The following ZNF575 variants were observed in gnomAD, a reference collection of about 807,000 sequenced individuals.
ZNF575 encodes the protein zinc finger protein 575.
A neutral mutation model predicts 17.5 loss-of-function variants in ZNF575; 17 were observed. The ratio of observed to expected loss-of-function variants is 0.97; its 90% CI spans 0.66 to 1.45. The LOEUF (loss-of-function observed/expected upper bound fraction) is 1.45, where lower values mean the gene tolerates loss of function less well. Among genes scored for constraint, ZNF575 ranks in the 40% most tolerant of loss-of-function variants. The pLI is 0.00. For missense variants in ZNF575, 352 were observed against 359.2 expected, an observed-to-expected ratio of 0.98 and a Z score of 0.16; for synonymous variants, 146 against 158.3, an observed-to-expected ratio of 0.92 and a Z score of 0.58.
upstream of ZNF575, chr19:43,531,942 CTTTTTT>C (rs869122064): frequency 0.016 from 1,710 of 107,142 alleles, 13 homozygotes; most frequent in South Asian, 0.019. Flanking sequence ...TTAAGCCAGA[CTTTTTT>C]TTTTTTTTTT....
Position 43,535,966 on chromosome 19 carries a change from T to G in ZNF575, c.*279T>G. On this transcript the variant is annotated 3_prime_UTR_variant, in exon 4 of 4. Transcript: ENST00000314228. ...ATGGCAAAGGTAAAAAGTCTGCTAC[T>G]ATCGTGGGTTGATGAGGATTGTGGG... The G allele has an allele frequency of 2.2e-6, 1 of 448,758 alleles. No individual in the cohort carries two copies. The highest frequency in any genetic ancestry group is 4.0e-6 in the Non-Finnish European group (1 of 249,190). 27.8% of individuals were successfully genotyped at this position (448,758 alleles called of 1,614,324 possible).
rs763397896 is a variant in ZNF575, at chr19:43,534,455, G to A, written c.33G>A (p.Gly11=). Residue 11 remains glycine, a synonymous_variant, in exon 3 of 4, where the codon GGG becomes GGA. Transcript: ENST00000314228. MLERGAESAA[G]ATDPSPTGKE... is the part of the protein sequence containing the mutation. ...AGCGAGGCGCGGAGTCCGCGGCCGG[G>A]GCTACCGATCCTAGTCCCACTGGCA... is the stretch of plus-strand genomic sequence containing the variant. 3.6e-5 allele frequency: 55 copies of A among 1,542,994 alleles called. No individual in the cohort carries two copies. Among genetic ancestry groups the A allele is most frequent in the Non-Finnish European group, 4.1e-5 (47 of 1,144,672 alleles).
Position 43,535,622 on chromosome 19 carries a change from A to G in ZNF575, c.673A>G (p.Arg225Gly), listed in dbSNP as rs1600032611. The G allele has an allele frequency of 6.2e-7, 1 of 1,613,662 alleles. No homozygotes were observed. ...CSSCGQAFGQ[R>G]RLLLLHQRSH... ...CAGCTGCGGCCAGGCCTTTGGCCAG[A>G]GACGCTTACTGCTCCTTCATCAACG... is the stretch of plus-strand genomic sequence containing the variant. The change falls in exon 4 of 4, where the codon AGA (arginine) becomes GGA (glycine). Residue 225 changes from arginine (R) to glycine (G), a missense_variant. Arg to Gly is a moderately radical substitution (Grantham distance 125, BLOSUM62 -2). Coordinates refer to ENST00000314228, the MANE Select transcript of ZNF575 (RefSeq NM_174945.3).
At chr19:43,532,532 A>C (rs534711699), upstream of ZNF575, among the ~76,000 whole-genome samples, 62 of 152,338 alleles carry the variant, frequency 4.1e-4, no homozygotes, top group Non-Finnish European at 7.2e-4. Flanking sequence ...AAAGGGTCAC[A>C]CGGCTAGAAA....
At chr19:43,531,366 G>T (rs902431509), upstream of ZNF575, among the ~76,000 whole-genome samples, 1 of 151,964 alleles carries the variant, frequency 6.6e-6, no homozygotes, top group Non-Finnish European at 1.5e-5. Context: ...GGTGGATCAC[G>T]AGGTCAGGAG....
At chr19:43,534,108 C>T in intron 2 of ZNF575, 1 of 441,520 alleles carries the variant, frequency 2.3e-6, no homozygotes, top group Non-Finnish European at 4.0e-6. Context: ...CGCATAGGCC[C>T]CGCCGGCTCC....
chr19:43,534,630 C>CT, intron 3 of ZNF575, 129 bp downstream of exon 3: 2 of 891,778 alleles, frequency 2.2e-6, no homozygotes. Flanking sequence ...ATCCCCAAAA[C>CT]TGCCACATTC....
At position 43,533,285 on chromosome 19, in the gene ZNF575, A is replaced by C. The variant is rs1309982070; in HGVS notation, c.-431A>C. ...CTCTCTGCAGCCTCTGCCAGCCCGC[A>C]CTGCGCATGCTTTCTGACGCCCCCT... On this transcript the variant is annotated 5_prime_UTR_variant, in exon 1 of 4. Transcript: ENST00000314228. 6.6e-6 allele frequency: 1 copy of C among 152,126 alleles called. No homozygotes were observed. Among genetic ancestry groups the C allele is most frequent in the Non-Finnish European group, 1.5e-5 (1 of 68,098 alleles). 9.4% of individuals were successfully genotyped at this position (152,126 alleles called of 1,614,324 possible). A position where few individuals can be genotyped will look rare whatever the true frequency, so the allele number is the denominator to read the frequency against.
intron 2 of ZNF575, 38 bp from the exon 3 acceptor site, chr19:43,534,293 TACTTGC>T: frequency 1.2e-6 from 1 of 858,114 alleles, no homozygotes. Flanking sequence ...TAGCATCCCA[TACTTGC>T]AGACCTTGCT....
upstream of ZNF575, chr19:43,531,969 T>TTTTTTA (rs1972350725): frequency 6.6e-6 from 3 of 455,368 alleles, no homozygotes; most frequent in Non-Finnish European, 7.7e-6. Flanking sequence ...TTTTTTTTTT[T>TTTTTTA]AAGATGGGGA....
chr19:43,535,011 A>G lies in ZNF575; in HGVS notation c.80-18A>G. On this transcript the variant is annotated intron_variant, in intron 3 of 3. Transcript: ENST00000314228. Reference sequence around the variant, plus strand: ...CGTTGGCTGCTTCCTGGAGCCCACCAGCCCTCCTGTCCCCCAGCTCCCCAC... The same window carrying G: ...CGTTGGCTGCTTCCTGGAGCCCACCGGCCCTCCTGTCCCCCAGCTCCCCAC... The G allele has an allele frequency of 1.4e-6, 2 of 1,417,742 alleles. No individual in the cohort carries two copies. The highest frequency in any genetic ancestry group is 1.8e-6 in the Non-Finnish European group (2 of 1,098,600). The allele number at this position is 1,417,742 out of a possible 1,614,324, so 87.8% of individuals were successfully genotyped here. A position where few individuals can be genotyped will look rare whatever the true frequency, so the allele number is the denominator to read the frequency against.
At chr19:43,534,316 C>T in intron 2 of ZNF575, 21 bp from the exon 3 acceptor site, 1 of 1,085,170 alleles carries the variant, frequency 9.2e-7, no homozygotes, top group Non-Finnish European at 1.3e-6. Flanking sequence ...TGCTCCTAAA[C>T]AGTGTGATCC....
chr19:43,534,594 G>A, intron 3 of ZNF575, 93 bp downstream of exon 3: 1 of 1,213,572 alleles, frequency 8.2e-7, no homozygotes, highest in Non-Finnish European at 1.1e-6. Flanking sequence ...GAAAATTTGA[G>A]GGCCCTAGGG....
chr19:43,534,147 T>C, intron 2 of ZNF575, 190 bp from the exon 3 acceptor site: 1 of 500,308 alleles, frequency 2.0e-6, no homozygotes, highest in Non-Finnish European at 3.5e-6. Context: ...GAGTTAGTTG[T>C]GGAGACTCCG....
At chr19:43,532,846 C>G (rs1972360014), upstream of ZNF575, 1 of 152,258 alleles carries the variant, frequency 6.6e-6, no homozygotes, top group South Asian at 2.1e-4. Context: ...GGCTGAGAAT[C>G]TTGAATCACC....
chr19:43,534,156 C>G (rs1180079401), intron 2 of ZNF575, 181 bp from the exon 3 acceptor site: 1 of 510,680 alleles, frequency 2.0e-6, no homozygotes, highest in Non-Finnish European at 3.5e-6. Flanking sequence ...GTGGAGACTC[C>G]GCCCACTCTG....
At chr19:43,530,926 C>T (rs73554660), upstream of ZNF575, among the ~76,000 whole-genome samples, 2,811 of 152,028 alleles carry the variant, frequency 0.018, 70 homozygotes, top group African/African-American at 0.062. Context: ...ATAACAATAC[C>T]CTCACTGGTC....
rs1190836515 is a variant in ZNF575 at position 43,533,199 on chromosome 19, T to A, written c.-517T>A. 1 of 152,256 alleles carries A rather than the reference T, an allele frequency of 6.6e-6. No individual in the cohort carries two copies. The highest frequency in any genetic ancestry group is 2.4e-5 in the African/African-American group (1 of 41,422). The allele number at this position is 152,256 out of a possible 1,614,324, so 9.4% of individuals were successfully genotyped here. ...TCTGTCGATACGGTAGCTTCGCGCT[T>A]GCTCACGAACTTGCCTGCCTGGCTG... On this transcript the variant is annotated 5_prime_UTR_variant, in exon 1 of 4. Coordinates refer to ENST00000314228, the MANE Select transcript of ZNF575 (RefSeq NM_174945.3).
chr19:43,534,464 T>C lies in ZNF575; in HGVS notation c.42T>C (p.Asp14=). Residue 14 remains aspartate (D), a synonymous_variant, in exon 3 of 4, where the codon GAT becomes GAC. Coordinates refer to ENST00000314228, the MANE Select transcript of ZNF575 (RefSeq NM_174945.3). The part of the protein sequence containing the change: ...RGAESAAGAT[D]PSPTGKEPVT... ...CGGAGTCCGCGGCCGGGGCTACCGA[T>C]CCTAGTCCCACTGGCAAGGAACCAG... 6.6e-7 allele frequency: 1 copy of C among 1,511,112 alleles called. No individual in the cohort carries two copies. The highest frequency in any genetic ancestry group is 8.9e-7 in the Non-Finnish European group (1 of 1,128,084). 93.6% of individuals were successfully genotyped at this position (1,511,112 alleles called of 1,614,324 possible).
Sources: allele counts gnomAD v4.1 joint callset (sites outside exome capture counted in the v4.1 genomes callset), GRCh38; gene constraint gnomAD v4.1.1; transcripts MANE v1.5; gene names NCBI Gene and HGNC (gene_info 2026-07-23, HGNC 2026-07-21).